The following TBCD variants were observed in gnomAD, a reference collection of about 807,000 sequenced individuals.
TBCD encodes the protein tubulin folding cofactor D.
TBCD carries 105 observed loss-of-function variants against 169.3 expected under a neutral mutation model. That is an observed-to-expected ratio of 0.62 (90% CI 0.53 to 0.73). The LOEUF (loss-of-function observed/expected upper bound fraction) is 0.73, where lower values mean the gene tolerates loss of function less well. Ranked by LOEUF, TBCD falls within the 30% of genes least tolerant of loss-of-function variation. The pLI is 0.00. For missense variants in TBCD, 1,444 were observed against 1,600.1 expected (o/e 0.90, Z 1.66); for synonymous variants, 700 against 643.9 (o/e 1.09, Z -1.32).
In TBCD at chr17:82,779,603, G is replaced by A. The variant is rs575351649; in HGVS notation, c.639-1986G>A. 2.9e-3 allele frequency among the ~76,000 whole-genome samples: 447 copies of A among 152,304 alleles called. 3 individuals carry two copies. The highest frequency in any genetic ancestry group is 0.01 in the African/African-American group (420 of 41,564). On this transcript the variant is annotated intron_variant, in intron 6 of 38. Transcript: ENST00000355528. ...CTTCTGTTTTGTGAGGGCCATGACCGAGTAGGATGGCACGTGCGTGGCTGT... is the reference window on the plus strand; with the variant it reads ...CTTCTGTTTTGTGAGGGCCATGACCAAGTAGGATGGCACGTGCGTGGCTGT...
intron 8 of TBCD, among the ~76,000 whole-genome samples, chr17:82,798,992 C>T (rs1466172176): frequency 6.6e-6 from 1 of 152,180 alleles, no homozygotes; most frequent in African/African-American, 2.4e-5. Context: ...GCCTTGGCCT[C>T]CCAAAGTGCT....
intron 14 of TBCD, among the ~76,000 whole-genome samples, chr17:82,873,639 T>A (rs1374088824): frequency 6.6e-6 from 1 of 152,230 alleles, no homozygotes; most frequent in African/African-American, 2.4e-5. Context: ...CTTCTGCCTT[T>A]GGCAACGTTA....
At chr17:82,845,751 T>C (rs2054984637) in intron 13 of TBCD, among the ~76,000 whole-genome samples, 1 of 152,226 alleles carries the variant, frequency 6.6e-6, no homozygotes, top group East Asian at 1.9e-4. Context: ...GGGGCAGCAA[T>C]TGCTGACCTC....
At chr17:82,941,795 C>G (rs376016633) in intron 38 of TBCD, 15 of 414,868 alleles carry the variant, frequency 3.6e-5, no homozygotes, top group African/African-American at 3.1e-4. Context: ...CTCCAAGTGC[C>G]AAGAGTGCCA....
chr17:82,911,888 G>T, intron 23 of TBCD, 99 bp downstream of exon 23: 1 of 1,279,184 alleles, frequency 7.8e-7, no homozygotes, highest in Non-Finnish European at 1.1e-6. Context: ...TTAGCCCCCA[G>T]GGTGAAGGGC....
At chr17:82,917,650 C>T (rs1451626507) in intron 23 of TBCD, among the ~76,000 whole-genome samples, 1 of 152,188 alleles carries the variant, frequency 6.6e-6, no homozygotes, top group East Asian at 1.9e-4. Context: ...GGGTCACCTC[C>T]ATTGGGTTTT....
chr17:82,857,941 C>T (rs1018348871), intron 13 of TBCD, among the ~76,000 whole-genome samples: 2 of 151,592 alleles, frequency 1.3e-5, no homozygotes, highest in African/African-American at 4.9e-5. Context: ...GAAAAAGGGT[C>T]TTGCTGTGTC....
At position 82,906,021 on chromosome 17, in the gene TBCD, C is replaced by T. The variant is rs778636451; in HGVS notation, c.1890C>T (p.Tyr630=). 1.3e-5 allele frequency: 21 copies of T among 1,611,134 alleles called. No homozygotes were observed. Among genetic ancestry groups the T allele is most frequent in the South Asian group, 4.4e-5 (4 of 90,268 alleles). The part of the protein sequence containing the change: ...GSILACAEVA[Y]ALYKLAAQEN... ...TTCTCGCCTGCGCAGAAGTTGCTTA[C>T]GCCTTGTACAAACTTGCAGCCCAAG... The change falls in exon 20 of 39, where the codon TAC becomes TAT. Residue 630 remains tyrosine, a synonymous_variant. Coordinates refer to ENST00000355528, the MANE Select transcript of TBCD (RefSeq NM_005993.5).
chr17:82,845,386 C>CCT (rs60040267), intron 13 of TBCD, among the ~76,000 whole-genome samples: 96 of 150,554 alleles, frequency 6.4e-4, no homozygotes, highest in African/African-American at 2.3e-3. Flanking sequence ...TCGGCCCCTT[C>CCT]CTCTCCGTCC....
chr17:82,828,940 G>A (rs1296530144), intron 13 of TBCD, among the ~76,000 whole-genome samples: 1 of 137,896 alleles, frequency 7.3e-6, no homozygotes. Flanking sequence ...GAGTGTGCAT[G>A]CCCCCCACGG....
intron 22 of TBCD, among the ~76,000 whole-genome samples, chr17:82,909,915 G>C (rs931861164): frequency 6.6e-6 from 1 of 152,194 alleles, no homozygotes; most frequent in Non-Finnish European, 1.5e-5. Context: ...AGATTGCTTT[G>C]CTTTTTCTAG....
Position 82,920,925 on chromosome 17 carries a change from A to AGCCAC in TBCD, c.2101+308_2101+312dup. ...TCCCAGGCAGACAGTCGGGAGCTGC[A>AGCCAC]GCCACCCAGGCCCTCGTGGACCAGG... On this transcript the variant is annotated intron_variant, in intron 24 of 38. Transcript: ENST00000355528. This position sits in a 1 kb window ranked among gnomAD's most constrained non-coding sequence, Gnocchi z 4.1. 2.6e-6 allele frequency: 1 copy of AGCCAC among 391,276 alleles called. No homozygotes were observed. The highest frequency in any genetic ancestry group is 4.6e-6 in the Non-Finnish European group (1 of 215,556). 24.2% of individuals were successfully genotyped at this position (391,276 alleles called of 1,614,324 possible).
intron 2 of TBCD, among the ~76,000 whole-genome samples, chr17:82,757,345 G>A (rs1478728846): frequency 6.6e-6 from 1 of 152,182 alleles, no homozygotes; most frequent in Non-Finnish European, 1.5e-5. Flanking sequence ...TTTTGGCTGG[G>A]GGTGGTGGCT....
chr17:82,753,318 C>T (rs1598355758), intron 1 of TBCD, among the ~76,000 whole-genome samples: 1 of 152,050 alleles, frequency 6.6e-6, no homozygotes. Context: ...TTGCCTGTTT[C>T]TTCGGGTGTA....
chr17:82,832,519 C>T lies in TBCD; in HGVS notation c.1318+17585C>T. The T allele has an allele frequency of 6.9e-7, 1 of 1,458,606 alleles. No homozygotes were observed. The highest frequency in any genetic ancestry group is 9.5e-7 in the Non-Finnish European group (1 of 1,052,550). The allele number at this position is 1,458,606 out of a possible 1,614,324, so 90.4% of individuals were successfully genotyped here. ...GTGATCACTGTCGACGCCGCGTGCACTTCGTGGTTTCTAAAGAGGCACCTC... is the reference window on the plus strand; with the variant it reads ...GTGATCACTGTCGACGCCGCGTGCATTTCGTGGTTTCTAAAGAGGCACCTC... On this transcript the variant is annotated intron_variant, in intron 13 of 38. Coordinates refer to ENST00000355528, the MANE Select transcript of TBCD (RefSeq NM_005993.5). This position sits in a 1 kb window ranked among gnomAD's most constrained non-coding sequence, Gnocchi z 4.9.
intron 34 of TBCD, among the ~76,000 whole-genome samples, chr17:82,933,985 T>A (rs1170390078): frequency 1.3e-5 from 2 of 152,192 alleles, no homozygotes; most frequent in Admixed American, 6.5e-5. Flanking sequence ...CCCTTTAAGG[T>A]CTCTGCTCCC....
At position 82,760,734 on chromosome 17, in the gene TBCD, A is replaced by G. The variant is rs567701440; in HGVS notation, c.236-3231A>G. Among the ~76,000 whole-genome samples, 5 of 152,364 alleles carry G rather than the reference A, an allele frequency of 3.3e-5. 1 individual carries two copies. The South Asian group carries it at 1.0e-3, about 32-fold the overall frequency. On this transcript the variant is annotated intron_variant, in intron 2 of 38. Coordinates refer to ENST00000355528, the MANE Select transcript of TBCD (RefSeq NM_005993.5). ...ACAGAGTTGTGTAACTATCACTACC[A>G]CAATCTAGGCATTTTCATCATCTGA...
At chr17:82,863,896 T>G (rs1447505747) in intron 13 of TBCD, among the ~76,000 whole-genome samples, 1 of 152,110 alleles carries the variant, frequency 6.6e-6, no homozygotes, top group African/African-American at 2.4e-5. Context: ...ACGTGGAGCT[T>G]TTTATAGAGT....
chr17:82,783,616 T>C (rs2049100205), intron 7 of TBCD, among the ~76,000 whole-genome samples: 1 of 152,222 alleles, frequency 6.6e-6, no homozygotes. Flanking sequence ...CACAGCCTTT[T>C]GCGTCTGGCC....
Sources: allele counts gnomAD v4.1 joint callset (sites outside exome capture counted in the v4.1 genomes callset), GRCh38; gene constraint gnomAD v4.1.1; non-coding constraint Gnocchi (gnomAD v3.1); transcripts MANE v1.5; gene names NCBI Gene and HGNC (gene_info 2026-07-23, HGNC 2026-07-21).